Variants in COLGALT2 observed in about 807,000 individuals in gnomAD.
The protein encoded by COLGALT2 is procollagen galactosyltransferase 2.
A neutral mutation model predicts 73.4 loss-of-function variants in COLGALT2; 49 were observed. The ratio of observed to expected loss-of-function variants is 0.67; its 90% CI spans 0.53 to 0.85. The LOEUF is 0.85. Ranked by LOEUF, COLGALT2 falls within the 40% of genes least tolerant of loss-of-function variation. The pLI, the probability that COLGALT2 is intolerant of heterozygous loss-of-function variation, is 0.00. For missense variants in COLGALT2, 722 were observed against 790.2 expected (o/e 0.91, Z 1.03); for synonymous variants, 295 against 307.6 (o/e 0.96, Z 0.43).
At chr1:183,961,373 T>C (rs1670694965) in intron 6 of COLGALT2, among the ~76,000 whole-genome samples, 1 of 144,576 alleles carries the variant, frequency 6.9e-6, no homozygotes, top group African/African-American at 2.6e-5. Flanking sequence ...CTCTCAGCCC[T>C]GTGGGAGAAA....
chr1:183,991,315 A>C (rs1671622760), intron 1 of COLGALT2, among the ~76,000 whole-genome samples: 1 of 152,264 alleles, frequency 6.6e-6, no homozygotes, highest in African/African-American at 2.4e-5. Flanking sequence ...AATCTGTAAT[A>C]GAACAATATT....
rs74133048 is a variant in COLGALT2, at chr1:183,940,718, G to A, written c.1467C>T (p.Val489=). 1,978 of 1,614,182 alleles carry A rather than the reference G, an allele frequency of 1.2e-3. 23 individuals are homozygous for A. In the African/African-American group the frequency reaches 0.024, roughly 19 times the overall value. The change falls in exon 11 of 12, where the codon GTC becomes GTT. Residue 489 remains valine (V), a synonymous_variant. Transcript: ENST00000361927. ...EKAVPNVANL[V]EADYSYWTLG... is the part of the protein sequence containing the mutation. ...GGGTCCAGTAGGAATAGTCGGCTTCGACCAGGTTTGCCACATTGGGCACTG... is the reference window on the plus strand; with the variant it reads ...GGGTCCAGTAGGAATAGTCGGCTTCAACCAGGTTTGCCACATTGGGCACTG...
intron 2 of COLGALT2, among the ~76,000 whole-genome samples, chr1:183,977,812 A>AGAGAG (rs1553317022): frequency 9.5e-5 from 5 of 52,422 alleles, no homozygotes; most frequent in Admixed American, 1.9e-4. Flanking sequence ...GAAAGAGAGA[A>AGAGAG]AGAGAGAGAG....
intron 1 of COLGALT2, among the ~76,000 whole-genome samples, chr1:184,000,825 A>ATT (rs149091262): frequency 0.022 from 2,521 of 113,142 alleles, 120 homozygotes; most frequent in African/African-American, 0.075. Context: ...TCAGCCCCCC[A>ATT]TTTTTTTTTT....
In COLGALT2 at chr1:184,013,909, G is replaced by A. The variant is rs374103090; in HGVS notation, c.263+23186C>T. 7.7e-4 allele frequency among the ~76,000 whole-genome samples: 118 copies of A among 152,286 alleles called. 1 individual carries two copies. Among genetic ancestry groups the A allele is most frequent in the African/African-American group, 2.8e-3 (115 of 41,548 alleles). Reference sequence around the variant, plus strand: ...TGATTAATAACTTGATATGGATGATGGGGGAGAGGTCCATGTTTCTGTTTT... The same window carrying A: ...TGATTAATAACTTGATATGGATGATAGGGGAGAGGTCCATGTTTCTGTTTT... On this transcript the variant is annotated intron_variant, in intron 1 of 11. Transcript: ENST00000361927.
intron 2 of COLGALT2, among the ~76,000 whole-genome samples, chr1:183,976,955 G>A (rs1195587545): frequency 1.3e-5 from 2 of 152,090 alleles, no homozygotes; most frequent in Non-Finnish European, 2.9e-5. Context: ...AACAGTGTGG[G>A]GTTTGGAAAT....
At chr1:184,022,570 GTTC>G (rs1259098322) in intron 1 of COLGALT2, among the ~76,000 whole-genome samples, 2 of 152,148 alleles carry the variant, frequency 1.3e-5, no homozygotes, top group African/African-American at 4.8e-5. Flanking sequence ...ACAGAGTATG[GTTC>G]TTCTGCTCCT....
rs181294624 is a variant in COLGALT2 at position 183,938,147 on chromosome 1, A to G, written c.*614T>C. 3.1e-4 allele frequency: 307 copies of G among 986,076 alleles called. No homozygotes were observed. The Admixed American group carries it at 4.6e-3, about 15-fold the overall frequency. 61.1% of individuals were successfully genotyped at this position (986,076 alleles called of 1,614,324 possible). On this transcript the variant is annotated 3_prime_UTR_variant, in exon 12 of 12. Transcript: ENST00000361927. ...CAACTGCCATGATGGTCACAGGCCAAGTCTCAGTCGGACCCAAATACCCAC... is the reference window on the plus strand; with the variant it reads ...CAACTGCCATGATGGTCACAGGCCAGGTCTCAGTCGGACCCAAATACCCAC...
At chr1:184,026,745 G>A (rs1381436124) in intron 1 of COLGALT2, among the ~76,000 whole-genome samples, 6 of 152,054 alleles carry the variant, frequency 3.9e-5, no homozygotes, top group East Asian at 1.9e-4. Flanking sequence ...GTATGCCAAC[G>A]GGAAAAATCT....
At chr1:183,997,501 C>A (rs1257818053) in intron 1 of COLGALT2, among the ~76,000 whole-genome samples, 1 of 152,158 alleles carries the variant, frequency 6.6e-6, no homozygotes, top group Non-Finnish European at 1.5e-5. Context: ...CCCTGGGCCA[C>A]ACTGGAAGAA....
chr1:183,934,034 T>A (rs1038577266), downstream of COLGALT2, among the ~76,000 whole-genome samples: 1 of 152,020 alleles, frequency 6.6e-6, no homozygotes, highest in African/African-American at 2.4e-5. Context: ...CATCCATGGG[T>A]GGAAGCAAAA....
rs924230076 is a variant in COLGALT2 at position 183,936,524 on chromosome 1, G to GA, written c.*2236dup. ...GTCAGACCAGCTGACAGGGGAACAG[G>GA]AAAAAAAAAATTCTCTATTAAACAA... On this transcript the variant is annotated 3_prime_UTR_variant, in exon 12 of 12. Transcript: ENST00000361927. 874 of 1,009,274 alleles carry GA rather than the reference G, an allele frequency of 8.7e-4. 2 individuals are homozygous for GA. The highest frequency in any genetic ancestry group is 5.0e-3 in the African/African-American group (291 of 58,058). The allele number at this position is 1,009,274 out of a possible 1,614,324, so 62.5% of individuals were successfully genotyped here. A position where few individuals can be genotyped will look rare whatever the true frequency, so the allele number is the denominator to read the frequency against.
intron 1 of COLGALT2, among the ~76,000 whole-genome samples, chr1:183,997,160 GA>G (rs966363676): frequency 1.3e-5 from 2 of 151,996 alleles, no homozygotes; most frequent in Admixed American, 6.5e-5. Flanking sequence ...ATTTTCTGTA[GA>G]AAAAAACCAC....
chr1:184,023,416 AG>A (rs1299685874), intron 1 of COLGALT2, among the ~76,000 whole-genome samples: 2 of 152,176 alleles, frequency 1.3e-5, no homozygotes, highest in South Asian at 4.1e-4. Context: ...GCCTTTCCAT[AG>A]GAGGAGCTAT....
intron 1 of COLGALT2, among the ~76,000 whole-genome samples, chr1:184,011,620 T>C (rs1022084464): frequency 1.3e-5 from 2 of 152,216 alleles, no homozygotes; most frequent in African/African-American, 4.8e-5. Flanking sequence ...TATTTAAACG[T>C]GTGGTCAGGG....
chr1:183,953,583 T>C (rs1247491185), intron 7 of COLGALT2, among the ~76,000 whole-genome samples: 1 of 152,146 alleles, frequency 6.6e-6, no homozygotes, highest in African/African-American at 2.4e-5. Flanking sequence ...AAAGCTACAG[T>C]AACATGTGGA....
chr1:183,950,794 T>C (rs942202739), intron 8 of COLGALT2, among the ~76,000 whole-genome samples: 1 of 152,110 alleles, frequency 6.6e-6, no homozygotes, highest in African/African-American at 2.4e-5. Flanking sequence ...TTCAGTGTAA[T>C]GAAGACCAAA....
chr1:183,990,954 G>A (rs1671614287), intron 1 of COLGALT2, among the ~76,000 whole-genome samples: 1 of 152,228 alleles, frequency 6.6e-6, no homozygotes, highest in African/African-American at 2.4e-5. Flanking sequence ...TTTCCAGATT[G>A]TGACAGGTAT....
chr1:183,986,613 A>C (rs1422585852), intron 1 of COLGALT2, among the ~76,000 whole-genome samples: 1 of 152,196 alleles, frequency 6.6e-6, no homozygotes, highest in African/African-American at 2.4e-5. Context: ...TCTTTCAATA[A>C]AATTAATAAA....
Sources: gnomAD v4.1 joint callset for allele counts (sites outside exome capture counted in the v4.1 genomes callset) on GRCh38, gnomAD v4.1.1 for gene constraint, MANE v1.5 for transcripts, NCBI Gene and HGNC (gene_info 2026-07-23, HGNC 2026-07-21) for gene names.